The following PDE8B variants were observed in gnomAD, a reference collection of about 807,000 sequenced individuals.
The protein encoded by PDE8B is high affinity cAMP-specific and IBMX-insensitive 3',5'-cyclic phosphodiesterase 8B.
In PDE8B, 26 loss-of-function variants were observed where a neutral mutation model predicts 101.3. The observed-to-expected ratio is 0.26, with a 90% CI of 0.19 to 0.36. PDE8B has a LOEUF of 0.36. Among genes scored for constraint, PDE8B ranks in the 10% least tolerant of loss-of-function variants. The probability of loss-of-function intolerance (pLI) is 1.00; values close to 1 mark genes in which losing one functional copy is unlikely to be tolerated. For synonymous variants in PDE8B, 424 were observed against 429.3 expected (o/e 0.99, Z 0.15); for missense variants, 810 against 1,163.1 (o/e 0.70, Z 4.42).
intron 20 of PDE8B, among the ~76,000 whole-genome samples, chr5:77,424,838 T>TTTTA (rs1457443800): frequency 1.3e-5 from 2 of 151,458 alleles, no homozygotes; most frequent in African/African-American, 4.9e-5. Flanking sequence ...TTTTTGTTTT[T>TTTTA]AATGTGAGAC....
chr5:77,277,362 A>G (rs1324422347), intron 1 of PDE8B, among the ~76,000 whole-genome samples: 2 of 152,214 alleles, frequency 1.3e-5, no homozygotes, highest in African/African-American at 4.8e-5. Flanking sequence ...CAAAAATTCA[A>G]ATCATCTTCC....
intron 6 of PDE8B, among the ~76,000 whole-genome samples, chr5:77,343,377 C>T (rs915620877): frequency 1.3e-5 from 2 of 152,230 alleles, no homozygotes; most frequent in Non-Finnish European, 2.9e-5. Context: ...CTACGTGGTA[C>T]AGCCTGTTGC....
chr5:77,121,111 A>G, the PDE8B span, among the ~76,000 whole-genome samples: 2 of 152,226 alleles, frequency 1.3e-5, no homozygotes, highest in Non-Finnish European at 1.5e-5. Flanking sequence ...GCTATTCTCC[A>G]CAATTCCTGT....
At chr5:77,396,229 C>A (rs1380829275) in intron 10 of PDE8B, among the ~76,000 whole-genome samples, 1 of 152,236 alleles carries the variant, frequency 6.6e-6, no homozygotes, top group Non-Finnish European at 1.5e-5. Context: ...TGCCCTTCCC[C>A]CACATTGACT....
the PDE8B span, among the ~76,000 whole-genome samples, chr5:77,182,469 T>C: frequency 1.3e-5 from 2 of 152,120 alleles, no homozygotes; most frequent in African/African-American, 4.8e-5. Flanking sequence ...GAAGACATCC[T>C]TTCTGTGCAT....
At chr5:77,106,469 G>A in the PDE8B span, among the ~76,000 whole-genome samples, 5 of 152,184 alleles carry the variant, frequency 3.3e-5, no homozygotes, top group East Asian at 9.7e-4. Flanking sequence ...ACATGTTTGG[G>A]TCTATTTCTG....
intron 1 of PDE8B, among the ~76,000 whole-genome samples, chr5:77,259,883 C>T (rs1002587508): frequency 5.3e-5 from 8 of 152,106 alleles, no homozygotes; most frequent in East Asian, 3.8e-4. Context: ...AGCTATCAGC[C>T]GGGCGTGTTG....
chr5:77,154,611 A>G, the PDE8B span, among the ~76,000 whole-genome samples: 2 of 152,338 alleles, frequency 1.3e-5, no homozygotes, highest in East Asian at 3.9e-4. Context: ...CTTGTACCAC[A>G]GGAGTTGCCC....
rs892121636 is a variant in PDE8B, at chr5:77,211,508, G to A, written c.339+244G>A. On this transcript the variant is annotated intron_variant, in intron 1 of 21. Transcript: ENST00000264917. The surrounding 1 kb of genome is among the most constrained non-coding windows in gnomAD (Gnocchi z 4.1). ...TGGTCCTGGGGGACTGGGCGGGGAAGGGAGCGCAGAAGGAAGCAGGTGGGC... is the reference window on the plus strand; with the variant it reads ...TGGTCCTGGGGGACTGGGCGGGGAAAGGAGCGCAGAAGGAAGCAGGTGGGC... Among the ~76,000 whole-genome samples the A allele has an allele frequency of 6.6e-6, 1 of 152,388 alleles. No homozygotes were observed. The highest frequency in any genetic ancestry group is 6.5e-5 in the Admixed American group (1 of 15,314).
intron 1 of PDE8B, among the ~76,000 whole-genome samples, chr5:77,253,272 A>G (rs6892518): frequency 6.6e-6 from 1 of 152,198 alleles, no homozygotes; most frequent in East Asian, 1.9e-4. Context: ...GGATCGTAGT[A>G]ATCAAGTCAC....
the PDE8B span, among the ~76,000 whole-genome samples, chr5:77,204,714 TG>T: frequency 3.3e-5 from 5 of 152,222 alleles, no homozygotes; most frequent in African/African-American, 1.2e-4. Context: ...ATGCTGTTCC[TG>T]TGATTGAAAA....
At position 77,344,935 on chromosome 5, in the gene PDE8B, T is replaced by A; in HGVS notation, c.876+4T>A. On this transcript the variant is annotated splice_donor_region_variant and intron_variant, in intron 7 of 21. Transcript: ENST00000264917. Reference sequence around the variant, plus strand: ...AAGCGATGACCACGTGATTCAGGTATGGAAAGAAACCACCTCTATCATTAA... The same window carrying A: ...AAGCGATGACCACGTGATTCAGGTAAGGAAAGAAACCACCTCTATCATTAA... 1 of 1,591,550 alleles carries A rather than the reference T, an allele frequency of 6.3e-7. No homozygotes were observed. Among genetic ancestry groups the A allele is most frequent in the Non-Finnish European group, 8.6e-7 (1 of 1,159,468 alleles).
the PDE8B span, among the ~76,000 whole-genome samples, chr5:77,160,521 G>T: frequency 1.3e-5 from 2 of 152,122 alleles, no homozygotes; most frequent in Non-Finnish European, 2.9e-5. Context: ...ATACTAATTT[G>T]TATTTCCTTG....
chr5:77,099,969 G>C, the PDE8B span, among the ~76,000 whole-genome samples: 1 of 152,162 alleles, frequency 6.6e-6, no homozygotes, highest in Non-Finnish European at 1.5e-5. Context: ...AGAAAGAAAT[G>C]GCTCTTTTCC....
chr5:77,167,601 C>A, the PDE8B span, among the ~76,000 whole-genome samples: 1 of 152,302 alleles, frequency 6.6e-6, no homozygotes, highest in East Asian at 1.9e-4. Context: ...GGGCACGCGG[C>A]TGCTCCCTCC....
chr5:77,378,046 A>C (rs201849730), intron 10 of PDE8B, among the ~76,000 whole-genome samples: 14 of 99,566 alleles, frequency 1.4e-4, no homozygotes, highest in East Asian at 4.9e-4. Flanking sequence ...ACACACACAC[A>C]CACCCCCTGT....
At chr5:77,333,574 G>A (rs762740430) in intron 5 of PDE8B, among the ~76,000 whole-genome samples, 2 of 152,162 alleles carry the variant, frequency 1.3e-5, no homozygotes, top group African/African-American at 4.8e-5. Flanking sequence ...ACCCATGTAC[G>A]TGCTGTTGAG....
the PDE8B span, among the ~76,000 whole-genome samples, chr5:77,162,241 T>C: frequency 6.6e-6 from 1 of 152,112 alleles, no homozygotes; most frequent in African/African-American, 2.4e-5. Context: ...GCTTATACAC[T>C]GAAAATTTAT....
At chr5:77,213,922 A>G (rs1749078213) in intron 1 of PDE8B, 1 of 152,560 alleles carries the variant, frequency 6.6e-6, no homozygotes, top group Admixed American at 6.5e-5. Flanking sequence ...TAATTTGCAA[A>G]AAAAAAAGGG....
Sources: gnomAD v4.1 joint callset for allele counts (sites outside exome capture counted in the v4.1 genomes callset) on GRCh38, gnomAD v4.1.1 for gene constraint, Gnocchi (gnomAD v3.1) non-coding constraint, MANE v1.5 for transcripts, NCBI Gene and HGNC (gene_info 2026-07-23, HGNC 2026-07-21) for gene names.